SMARCC1: variants seen among roughly 807,000 people sequenced by gnomAD.
The protein encoded by SMARCC1 is SWI/SNF related BAF chromatin remodeling complex subunit C1.
In SMARCC1, 43 loss-of-function variants were observed where a neutral mutation model predicts 147.4. The ratio of observed to expected loss-of-function variants is 0.29; its 90% confidence interval spans 0.23 to 0.38. The LOEUF is 0.38. Ranked by LOEUF, SMARCC1 falls within the 10% of genes least tolerant of loss-of-function variation. The pLI, the probability that SMARCC1 is intolerant of heterozygous loss-of-function variation, is 1.00. For synonymous variants in SMARCC1, 495 were observed against 484.4 expected, an observed-to-expected ratio of 1.02 and a Z score of -0.29; for missense variants, 1,119 against 1,381.1, an observed-to-expected ratio of 0.81 and a Z score of 3.01.
chr3:47,745,954 A>G lies in SMARCC1; in HGVS notation c.355T>C (p.Cys119Arg). 3 of 1,590,186 alleles carry G rather than the reference A, an allele frequency of 1.9e-6. No homozygotes were observed. The highest frequency in any genetic ancestry group is 1.7e-6 in the Non-Finnish European group (2 of 1,172,564). ...FMDFKAGGAL[C>R]HILGAAYKYK... The stretch of plus-strand genomic sequence containing the variant: ...TTGTAAGCAGCCCCAAGAATGTGAC[A>G]TAAGGCGCCTCCAGCTTTGAAATCC... Residue 119 changes from cysteine to arginine, a missense_variant, in exon 3 of 28, where the codon TGT becomes CGT. Coordinates refer to ENST00000254480, the MANE Select transcript of SMARCC1 (RefSeq NM_003074.4).
chr3:47,705,341 A>AC (rs2033978958), intron 10 of SMARCC1, among the ~76,000 whole-genome samples: 1 of 150,586 alleles, frequency 6.6e-6, no homozygotes, highest in African/African-American at 2.4e-5. Flanking sequence ...AAAAAAAAAA[A>AC]AACGAACTAT....
intron 8 of SMARCC1, among the ~76,000 whole-genome samples, chr3:47,711,675 AT>A (rs2034086291): frequency 4.6e-5 from 7 of 152,332 alleles, no homozygotes; most frequent in Admixed American, 3.3e-4. Flanking sequence ...TAATTTGTCA[AT>A]CTAAACTCCC....
intron 3 of SMARCC1, 79 bp downstream of exon 3, chr3:47,745,829 G>T: frequency 1.2e-6 from 1 of 828,706 alleles, no homozygotes; most frequent in Non-Finnish European, 1.9e-6. Flanking sequence ...TGTGCTTACA[G>T]GATTTTCTAA....
intron 12 of SMARCC1, among the ~76,000 whole-genome samples, chr3:47,692,639 C>G (rs1228699358): frequency 6.6e-6 from 1 of 152,168 alleles, no homozygotes; most frequent in Non-Finnish European, 1.5e-5. Context: ...GAAATTAACT[C>G]TCTTACAACA....
At chr3:47,656,532 A>G (rs531148399) in intron 21 of SMARCC1, among the ~76,000 whole-genome samples, 4 of 152,356 alleles carry the variant, frequency 2.6e-5, no homozygotes, top group Admixed American at 1.3e-4. Context: ...CTCAAATCCA[A>G]TGATGACAAT....
At chr3:47,740,687 A>G (rs1431276182) in intron 3 of SMARCC1, among the ~76,000 whole-genome samples, 1 of 151,848 alleles carries the variant, frequency 6.6e-6, no homozygotes, top group Non-Finnish European at 1.5e-5. Flanking sequence ...AGCCCCATCA[A>G]AGAACTATCT....
intron 25 of SMARCC1, among the ~76,000 whole-genome samples, chr3:47,617,656 T>C (rs1395935250): frequency 1.3e-5 from 2 of 152,230 alleles, no homozygotes; most frequent in African/African-American, 4.8e-5. Flanking sequence ...CAGGGAAGGA[T>C]AGGATGCTAG....
At chr3:47,767,825 G>A (rs1447787312) in intron 2 of SMARCC1, among the ~76,000 whole-genome samples, 1 of 151,464 alleles carries the variant, frequency 6.6e-6, no homozygotes, top group African/African-American at 2.4e-5. Context: ...CCAAGACTGC[G>A]CCATTGCACT....
intron 2 of SMARCC1, among the ~76,000 whole-genome samples, chr3:47,758,528 C>T (rs893007843): frequency 6.6e-6 from 1 of 152,036 alleles, no homozygotes; most frequent in African/African-American, 2.4e-5. Context: ...AGGGTACCAT[C>T]TCAAAAAAAT....
Position 47,671,196 on chromosome 3 carries a change from A to AAAAAAAAAAAACAAC in SMARCC1, c.1840-480_1840-479insGTTGTTTTTTTTTTT, listed in dbSNP as rs753672169. ...CTCAAAAAAAAAAAAAAAAAAAAAA[A>AAAAAAAAAAAACAAC]AACACACACAAAAACCAAAACCAAA... On this transcript the variant is annotated intron_variant, in intron 18 of 27. Coordinates refer to ENST00000254480, the MANE Select transcript of SMARCC1 (RefSeq NM_003074.4). 2.5e-3 allele frequency among the ~76,000 whole-genome samples: 201 copies of AAAAAAAAAAAACAAC among 81,192 alleles called. 1 individual carries two copies. Among genetic ancestry groups the AAAAAAAAAAAACAAC allele is most frequent in the African/African-American group, 7.7e-3 (192 of 25,064 alleles). The allele number at this position is 81,192 out of a possible 152,430, so 53.3% of individuals were successfully genotyped here. A position where few individuals can be genotyped will look rare whatever the true frequency, so the allele number is the denominator to read the frequency against.
At chr3:47,701,168 C>G (rs2033912478) in intron 11 of SMARCC1, 110 bp downstream of exon 11, 2 of 816,586 alleles carry the variant, frequency 2.4e-6, no homozygotes, top group South Asian at 3.7e-5. Flanking sequence ...ACAATCTATT[C>G]ATACTTGAAA....
At chr3:47,741,735 T>A (rs1027862158) in intron 3 of SMARCC1, among the ~76,000 whole-genome samples, 5 of 152,064 alleles carry the variant, frequency 3.3e-5, no homozygotes, top group Non-Finnish European at 7.4e-5. Flanking sequence ...CTCCAGGATA[T>A]CTATTTATTT....
intron 6 of SMARCC1, among the ~76,000 whole-genome samples, chr3:47,724,734 G>C (rs1417653475): frequency 3.3e-5 from 5 of 152,138 alleles, no homozygotes; most frequent in Non-Finnish European, 5.9e-5. Flanking sequence ...CAGAGTATCA[G>C]TTCTGCCAGA....
At chr3:47,680,544 C>CTTTTTTTTTTTTTTTTT in intron 14 of SMARCC1, 36 bp from the exon 15 acceptor site, 1 of 320,580 alleles carries the variant, frequency 3.1e-6, no homozygotes, top group Non-Finnish European at 4.9e-6. Context: ...TAGGAGTGTT[C>CTTTTTTTTTTTTTTTTT]TTTTTTTTTT....
chr3:47,668,883 C>CT (rs2033457784), intron 19 of SMARCC1, among the ~76,000 whole-genome samples: 1 of 144,628 alleles, frequency 6.9e-6, no homozygotes, highest in Non-Finnish European at 1.5e-5. Flanking sequence ...AAAACCCTGT[C>CT]TTAAAAAAAA....
chr3:47,703,375 A>G (rs1206194154), intron 10 of SMARCC1, among the ~76,000 whole-genome samples: 2 of 152,210 alleles, frequency 1.3e-5, no homozygotes, highest in Admixed American at 6.5e-5. Context: ...ATCCTGAAGC[A>G]CTGTCTTGTT....
intron 14 of SMARCC1, among the ~76,000 whole-genome samples, chr3:47,684,533 T>C (rs1039346919): frequency 6.6e-6 from 1 of 151,664 alleles, no homozygotes; most frequent in Non-Finnish European, 1.5e-5. Context: ...CTCTGCCTCC[T>C]GGGTTCAAGC....
chr3:47,593,989 AC>A (rs1379350802), intron 26 of SMARCC1, among the ~76,000 whole-genome samples: 7 of 152,084 alleles, frequency 4.6e-5, no homozygotes, highest in African/African-American at 1.7e-4. Flanking sequence ...ACATGGTGAA[AC>A]CCCATTTCTA....
At chr3:47,740,359 C>T (rs2034496020) in intron 3 of SMARCC1, among the ~76,000 whole-genome samples, 2 of 151,692 alleles carry the variant, frequency 1.3e-5, no homozygotes, top group South Asian at 2.1e-4. Flanking sequence ...CCACACCCTG[C>T]TAATCTTTTG....
Sources: gnomAD v4.1 joint callset for allele counts (sites outside exome capture counted in the v4.1 genomes callset) on GRCh38, gnomAD v4.1.1 for gene constraint, MANE v1.5 for transcripts, NCBI Gene and HGNC (gene_info 2026-07-23, HGNC 2026-07-21) for gene names.